The following MMS19 variants were observed in gnomAD, a reference collection of about 807,000 sequenced individuals.
The protein encoded by MMS19 is MMS19 nucleotide excision repair protein homolog.
MMS19 carries 77 observed loss-of-function variants against 129.8 expected under a neutral mutation model. That is an observed-to-expected ratio of 0.59 (90% CI 0.49 to 0.72). MMS19 has a LOEUF of 0.72. MMS19 is among the 30% of genes least tolerant of loss of function. The pLI, the probability that MMS19 is intolerant of heterozygous loss-of-function variation, is 0.00. For missense variants in MMS19, 1,168 were observed against 1,266.3 expected (o/e 0.92, Z 1.18); for synonymous variants, 491 against 502.8 (o/e 0.98, Z 0.31).
At chr10:97,496,704 T>C (rs533058566) in intron 1 of MMS19, among the ~76,000 whole-genome samples, 1 of 152,298 alleles carries the variant, frequency 6.6e-6, no homozygotes, top group South Asian at 2.1e-4. Flanking sequence ...TTCTATATCT[T>C]CGTAGGGGGT....
At chr10:97,487,595 A>C (rs1374333263) in intron 1 of MMS19, among the ~76,000 whole-genome samples, 1 of 152,152 alleles carries the variant, frequency 6.6e-6, no homozygotes, top group Non-Finnish European at 1.5e-5. Context: ...CTGGGATTAC[A>C]GGCGTGAGCC....
intron 1 of MMS19, among the ~76,000 whole-genome samples, chr10:97,489,615 TC>T (rs1290951997): frequency 6.6e-6 from 1 of 152,230 alleles, no homozygotes; most frequent in East Asian, 1.9e-4. Context: ...CAATAGTTTC[TC>T]CACTAATGCC....
At chr10:97,483,726 C>T (rs1385884740) in intron 2 of MMS19, among the ~76,000 whole-genome samples, 1 of 152,238 alleles carries the variant, frequency 6.6e-6, no homozygotes, top group Non-Finnish European at 1.5e-5. Context: ...ACAGGGCCCA[C>T]AGCTTGTTCT....
chr10:97,477,788 T>C, intron 5 of MMS19, 67 bp downstream of exon 5: 1 of 1,131,792 alleles, frequency 8.8e-7, no homozygotes, highest in Non-Finnish European at 1.3e-6. Context: ...TAATTTTTGC[T>C]ATTGAATCCC....
At chr10:97,465,731 A>G (rs1270146562) in intron 18 of MMS19, 74 bp downstream of exon 18, 1 of 1,413,192 alleles carries the variant, frequency 7.1e-7, no homozygotes, top group Non-Finnish European at 9.6e-7. Context: ...GTATAGCTAC[A>G]GCTAGAACCA....
intron 14 of MMS19, among the ~76,000 whole-genome samples, 160 bp downstream of exon 14, chr10:97,467,345 G>C (rs1177775552): frequency 6.6e-6 from 1 of 152,170 alleles, no homozygotes; most frequent in Non-Finnish European, 1.5e-5. Context: ...AAAATAAACA[G>C]ATCTCATCCA....
At chr10:97,478,115 T>A (rs1367565287) in intron 4 of MMS19, among the ~76,000 whole-genome samples, 186 bp from the exon 5 acceptor site, 1 of 152,198 alleles carries the variant, frequency 6.6e-6, no homozygotes, top group Non-Finnish European at 1.5e-5. Context: ...ATGGCTCTGG[T>A]TTCCAGTCCC....
At chr10:97,495,844 C>T (rs553217864) in intron 1 of MMS19, among the ~76,000 whole-genome samples, 37 of 152,328 alleles carry the variant, frequency 2.4e-4, no homozygotes, top group Non-Finnish European at 4.4e-4. Context: ...TGCAGGGGCG[C>T]GATCTCCGCT....
intron 12 of MMS19, among the ~76,000 whole-genome samples, 152 bp from the exon 13 acceptor site, chr10:97,468,558 A>C (rs1247047752): frequency 1.3e-5 from 2 of 152,226 alleles, no homozygotes; most frequent in African/African-American, 4.8e-5. Context: ...TATCGCCCCC[A>C]AATCACCAAA....
chr10:97,466,225 TATTAGGCAG>T, intron 16 of MMS19, 66 bp from the exon 17 acceptor site: 1 of 1,314,880 alleles, frequency 7.6e-7, no homozygotes, highest in Non-Finnish European at 1.1e-6. Context: ...CTACGTCTGA[TATTAGGCAG>T]ATTCAGGAGT....
chr10:97,463,571 G>A (rs1314643494), intron 19 of MMS19, among the ~76,000 whole-genome samples: 1 of 152,236 alleles, frequency 6.6e-6, no homozygotes, highest in Admixed American at 6.5e-5. Flanking sequence ...CCAACCAGGT[G>A]GGCTTGACTC....
chr10:97,458,494 C>T lies in MMS19; in HGVS notation c.*198G>A. 1.7e-6 allele frequency: 1 copy of T among 599,296 alleles called. No individual in the cohort carries two copies. The highest frequency in any genetic ancestry group is 2.9e-6 in the Non-Finnish European group (1 of 343,510). The allele number at this position is 599,296 out of a possible 1,614,324, so 37.1% of individuals were successfully genotyped here. A position where few individuals can be genotyped will look rare whatever the true frequency, so the allele number is the denominator to read the frequency against. ...TTTCTTCAAACGCAAGTGTCTCACA[C>T]ACACTTATTTTACAAATCCACTAGA... On this transcript the variant is annotated 3_prime_UTR_variant, in exon 31 of 31. Transcript: ENST00000438925.
intron 8 of MMS19, among the ~76,000 whole-genome samples, chr10:97,473,708 A>G (rs1015965118): frequency 6.6e-6 from 1 of 152,176 alleles, no homozygotes; most frequent in Non-Finnish European, 1.5e-5. Context: ...AAATTATATG[A>G]AATTCAAAGT....
chr10:97,464,889 C>T (rs1212586421), intron 18 of MMS19, among the ~76,000 whole-genome samples: 2 of 151,812 alleles, frequency 1.3e-5, no homozygotes, highest in South Asian at 2.1e-4. Flanking sequence ...TGTAGAGATG[C>T]GGTTTCGCCA....
Position 97,477,346 on chromosome 10 carries a change from C to G in MMS19, c.493+1G>C, listed in dbSNP as rs1279752930. The G allele has an allele frequency of 8.1e-6, 13 of 1,613,850 alleles. No homozygotes were observed. Among genetic ancestry groups the G allele is most frequent in the Non-Finnish European group, 1.1e-5 (13 of 1,179,896 alleles). On this transcript the variant is annotated splice_donor_variant, in intron 6 of 30. Transcript: ENST00000438925. LOFTEE classifies it high-confidence loss of function. ...ATTTCCCAGAAAGCTCTGTCTCTTA[C>G]CTTCTTCCCGGGTTCGCATAAAATT... is the stretch of plus-strand genomic sequence containing the variant.
chr10:97,478,459 T>C (rs1317525787), intron 3 of MMS19, 70 bp from the exon 4 acceptor site: 5 of 1,132,550 alleles, frequency 4.4e-6, no homozygotes, highest in Non-Finnish European at 6.5e-6. Flanking sequence ...GTTCCTTCCC[T>C]AAGTCTATAA....
chr10:97,469,013 GC>G lies in MMS19; in HGVS notation c.1015del (p.Ala339LeufsTer27). ...GGAGTCAAGGAGGTCCTCAGCATCA[GC>G]CCTCAGCACAGAGCGAGACAAACAC... ...TACLSRSVLR[A>X]DAEDLLDSFL... On this transcript the variant is annotated frameshift_variant, in exon 12 of 31. Transcript: ENST00000438925. LOFTEE classifies it high-confidence loss of function. The G allele has an allele frequency of 6.3e-7, 1 of 1,588,026 alleles. No homozygotes were observed.
rs551967219 is a variant in MMS19, at chr10:97,459,719, C to G, written c.2679G>C (p.Lys893Asn). ...APQDVKPNYL[K>N]GLSHVLNRLP... ...GCCTGTTAAGTACATGAGAAAGACC[C>G]TTCAAGTAGTTTGGCTTCACATCTG... is the stretch of plus-strand genomic sequence containing the variant. Residue 893 changes from lysine to asparagine, a missense_variant, in exon 27 of 31, where the codon AAG (lysine) becomes AAC (asparagine). Physicochemically the swap from Lys to Asn is moderately conservative, Grantham distance 94. This residue lies in a region of MMS19 where 831 missense variants were observed against 910.8 expected (regional missense o/e 0.91). Transcript: ENST00000438925. The G allele has an allele frequency of 1.9e-6, 3 of 1,612,130 alleles. No homozygotes were observed. The highest frequency in any genetic ancestry group is 2.2e-5 in the South Asian group (2 of 90,526).
At chr10:97,461,670 C>T (rs759473701) in intron 22 of MMS19, 48 bp from the exon 23 acceptor site, 15 of 1,581,400 alleles carry the variant, frequency 9.5e-6, no homozygotes, top group Admixed American at 1.8e-5. Context: ...ACTTGAACTC[C>T]AAGAGAACCA....
Sources: gnomAD v4.1 joint callset for allele counts (sites outside exome capture counted in the v4.1 genomes callset) on GRCh38, gnomAD v4.1.1 for gene constraint, gnomAD v4.1.1 regional missense constraint, MANE v1.5 for transcripts, NCBI Gene and HGNC (gene_info 2026-07-23, HGNC 2026-07-21) for gene names.